The following EIF4A1 variants were observed in gnomAD, a reference collection of about 807,000 sequenced individuals.
EIF4A1 encodes the protein eukaryotic initiation factor 4A-I.
In EIF4A1, 11 loss-of-function variants were observed where a neutral mutation model predicts 53.5. The ratio of observed to expected loss-of-function variants is 0.21; its 90% CI spans 0.13 to 0.34. The LOEUF (loss-of-function observed/expected upper bound fraction) is 0.34. Ranked by LOEUF, EIF4A1 falls within the 10% of genes least tolerant of loss-of-function variation. The probability of loss-of-function intolerance (pLI) is 1.00; values close to 1 mark genes in which losing one functional copy is unlikely to be tolerated. For missense variants in EIF4A1, 213 were observed against 530.8 expected, an observed-to-expected ratio of 0.40 and a Z score of 5.88; for synonymous variants, 237 against 186.7, an observed-to-expected ratio of 1.27 and a Z score of -2.20.
chr17:7,574,318 G>C lies in EIF4A1; in HGVS notation c.72+10G>C. On this transcript the variant is annotated intron_variant, in intron 2 of 10. Coordinates refer to ENST00000293831, the MANE Select transcript of EIF4A1 (RefSeq NM_001416.4). ...CGAAGGCGTCATCGAGGTGAGACTGGAGAAATGGAATTCTGTCCTCCCCCA... is the reference window on the plus strand; with the variant it reads ...CGAAGGCGTCATCGAGGTGAGACTGCAGAAATGGAATTCTGTCCTCCCCCA... 1.9e-6 allele frequency: 3 copies of C among 1,614,204 alleles called. No individual in the cohort carries two copies. Among genetic ancestry groups the C allele is most frequent in the South Asian group, 1.1e-5 (1 of 91,086 alleles).
At position 7,577,554 on chromosome 17, in the gene EIF4A1, T is replaced by TCC. The variant is rs751200894; in HGVS notation, c.769-11_769-10dup. 3.1e-6 allele frequency: 5 copies of TCC among 1,612,664 alleles called. No individual in the cohort carries two copies. ...GGGTATAGCCCCTGACTGATTTTTG[T>TCC]CCCCCAACCTCCAGGAGTGGAAGCT... is the stretch of plus-strand genomic sequence containing the variant. On this transcript the variant is annotated splice_polypyrimidine_tract_variant and intron_variant, in intron 7 of 10. Coordinates refer to ENST00000293831, the MANE Select transcript of EIF4A1 (RefSeq NM_001416.4). This position sits in a 1 kb window ranked among gnomAD's most constrained non-coding sequence, Gnocchi z 4.7.
chr17:7,572,910 C>A (rs754591678), intron 1 of EIF4A1, 46 bp downstream of exon 1: 11 of 1,614,026 alleles, frequency 6.8e-6, no homozygotes, highest in Non-Finnish European at 9.3e-6. Flanking sequence ...ATTTTGCCGC[C>A]CCCTTCCGAC....
intron 4 of EIF4A1, 75 bp downstream of exon 4, chr17:7,575,333 T>G (rs750883177): frequency 6.2e-5 from 99 of 1,600,156 alleles, no homozygotes; most frequent in Non-Finnish European, 8.1e-5. Context: ...CAGAGAAGTC[T>G]TCTCTGATCA....
chr17:7,574,853 C>T (rs2071379601), intron 3 of EIF4A1, 175 bp downstream of exon 3: 1 of 1,195,510 alleles, frequency 8.4e-7, no homozygotes, highest in South Asian at 1.2e-5. Flanking sequence ...CATAGGTTTC[C>T]TTTAAAGAGG....
In EIF4A1 at chr17:7,578,854, T is replaced by TA. The variant is rs1250328638; in HGVS notation, c.*372dup. On this transcript the variant is annotated 3_prime_UTR_variant, in exon 11 of 11. Transcript: ENST00000293831. The stretch of plus-strand genomic sequence containing the variant: ...GGACCAAATCTGGAGGGAGAACCCC[T>TA]AAAACCCCTAAGTGAGGTTGCCCAG... The TA allele has an allele frequency of 5.7e-6, 1 of 173,986 alleles. No homozygotes were observed. The highest frequency in any genetic ancestry group is 1.2e-5 in the Non-Finnish European group (1 of 81,884). 10.8% of individuals were successfully genotyped at this position (173,986 alleles called of 1,614,324 possible). A position where few individuals can be genotyped will look rare whatever the true frequency, so the allele number is the denominator to read the frequency against.
intron 1 of EIF4A1, chr17:7,573,301 G>T (rs1016165484): frequency 2.1e-5 from 6 of 287,706 alleles, no homozygotes; most frequent in African/African-American, 1.4e-4. Flanking sequence ...CGAGAGGCGG[G>T]GGTGCCTGGT....
intron 4 of EIF4A1, 127 bp from the exon 5 acceptor site, chr17:7,576,397 G>T: frequency 4.8e-6 from 6 of 1,252,186 alleles, no homozygotes; most frequent in Non-Finnish European, 6.4e-6. Flanking sequence ...TTTCTCAGCT[G>T]AATGTGAGTT....
intron 2 of EIF4A1, 25 bp from the exon 3 acceptor site, chr17:7,574,521 G>A (rs549940510): frequency 3.1e-6 from 5 of 1,613,160 alleles, no homozygotes; most frequent in South Asian, 1.1e-5. Context: ...CATGACTCAA[G>A]CTTTAATTTC....
chr17:7,574,214 G>C lies in EIF4A1; in HGVS notation c.24-46G>C, dbSNP rs534459063. 9.2e-5 allele frequency: 148 copies of C among 1,612,576 alleles called. 2 individuals carry two copies. Among genetic ancestry groups the C allele is most frequent in the South Asian group, 8.0e-4 (73 of 90,990 alleles). On this transcript the variant is annotated intron_variant, in intron 1 of 10. Transcript: ENST00000293831. The stretch of plus-strand genomic sequence containing the variant: ...AGAGCCCGGCTGTCAGGATTTCTGA[G>C]TGCTTCGGTCGGGCAGGGGACAAAA...
Position 7,577,539 on chromosome 17 carries a change from CCTGA to C in EIF4A1, c.769-25_769-22del, listed in dbSNP as rs1224816687. On this transcript the variant is annotated intron_variant, in intron 7 of 10. Coordinates refer to ENST00000293831, the MANE Select transcript of EIF4A1 (RefSeq NM_001416.4). The surrounding 1 kb of genome is among the most constrained non-coding windows in gnomAD (Gnocchi z 4.7). The stretch of plus-strand genomic sequence containing the variant: ...TGGTAGTGAGTTGTTGGGTATAGCC[CCTGA>C]CTGATTTTTGTCCCCCAACCTCCAG... The C allele has an allele frequency of 1.2e-6, 2 of 1,612,904 alleles. No homozygotes were observed. The highest frequency in any genetic ancestry group is 2.2e-5 in the East Asian group (1 of 44,870).
chr17:7,573,291 C>T (rs549885590), intron 1 of EIF4A1: 3 of 287,064 alleles, frequency 1.0e-5, no homozygotes, highest in East Asian at 1.9e-4. Flanking sequence ...GTACCACTCG[C>T]GAGAGGCGGG....
At chr17:7,574,179 C>T (rs2150924462) in intron 1 of EIF4A1, 81 bp from the exon 2 acceptor site, 1 of 1,541,814 alleles carries the variant, frequency 6.5e-7, no homozygotes. Flanking sequence ...TCATGCAGGC[C>T]ACTCCTGACA....
Position 7,574,527 on chromosome 17 carries a change from A to G in EIF4A1, c.73-19A>G. ...CACCTTTTCCATGACTCAAGCTTTA[A>G]TTTCTTTGCATCCCCTAGAGTAACT... On this transcript the variant is annotated intron_variant, in intron 2 of 10. Transcript: ENST00000293831. The G allele has an allele frequency of 6.2e-7, 1 of 1,612,790 alleles. No individual in the cohort carries two copies. The highest frequency in any genetic ancestry group is 1.7e-5 in the Admixed American group (1 of 59,960).
Position 7,572,883 on chromosome 17 carries a change from A to G in EIF4A1, c.23+19A>G. On this transcript the variant is annotated intron_variant, in intron 1 of 10. Coordinates refer to ENST00000293831, the MANE Select transcript of EIF4A1 (RefSeq NM_001416.4). Reference sequence around the variant, plus strand: ...ATTCCCGGTAAGAAAGGCATTTGCAAGAGATTGTGGCTGCTTATTTTGCCG... The same window carrying G: ...ATTCCCGGTAAGAAAGGCATTTGCAGGAGATTGTGGCTGCTTATTTTGCCG... 6.2e-7 allele frequency: 1 copy of G among 1,614,150 alleles called. No homozygotes were observed. Among genetic ancestry groups the G allele is most frequent in the Non-Finnish European group, 8.5e-7 (1 of 1,179,978 alleles).
At chr17:7,575,873 C>G in intron 4 of EIF4A1, 1 of 171,872 alleles carries the variant, frequency 5.8e-6, no homozygotes, top group Non-Finnish European at 1.3e-5. Context: ...ATCACCTGTT[C>G]TATAAAACTG....
intron 3 of EIF4A1, 151 bp downstream of exon 3, chr17:7,574,829 T>A (rs760619703): frequency 3.0e-6 from 4 of 1,330,498 alleles, no homozygotes; most frequent in Non-Finnish European, 4.3e-6. Flanking sequence ...CATGCCTGGT[T>A]CATGCCTTGG....
intron 1 of EIF4A1, 172 bp from the exon 2 acceptor site, chr17:7,574,088 C>T: frequency 1.4e-6 from 1 of 716,952 alleles, no homozygotes; most frequent in Non-Finnish European, 2.3e-6. Flanking sequence ...GGGGCAAATG[C>T]CTCAGTTTTA....
Position 7,577,329 on chromosome 17 carries a change from C to CT in EIF4A1, c.625-8dup, listed in dbSNP as rs750013227. The CT allele has an allele frequency of 5.0e-6, 8 of 1,613,646 alleles. No homozygotes were observed. The highest frequency in any genetic ancestry group is 1.7e-5 in the Admixed American group (1 of 59,962). On this transcript the variant is annotated splice_polypyrimidine_tract_variant and intron_variant, in intron 6 of 10. Transcript: ENST00000293831. This position sits in a 1 kb window ranked among gnomAD's most constrained non-coding sequence, Gnocchi z 4.7. ...AAGGAACCAGCACTCTAAGACTGGC[C>CT]TTTTTTTCCACTAGGTAGTTTTGCT...
intron 3 of EIF4A1, chr17:7,574,916 T>G: frequency 2.0e-6 from 2 of 1,012,584 alleles, no homozygotes; most frequent in Middle Eastern, 6.2e-4. Context: ...CTAGTCCAGC[T>G]TGGTGTGCAA....
Sources: allele counts gnomAD v4.1 joint callset, GRCh38; gene constraint gnomAD v4.1.1; non-coding constraint Gnocchi (gnomAD v3.1); transcripts MANE v1.5; gene names NCBI Gene and HGNC (gene_info 2026-07-23, HGNC 2026-07-21).